The following REEP6 variants were observed in gnomAD, a reference collection of about 807,000 sequenced individuals.
REEP6 encodes the protein receptor expression-enhancing protein 6.
A neutral mutation model predicts 22.4 loss-of-function variants in REEP6; 19 were observed. The observed-to-expected ratio is 0.85, with a 90% CI of 0.59 to 1.25. REEP6 has a LOEUF of 1.25. REEP6 is among the 50% of genes most tolerant of loss of function. REEP6 has a pLI of 0.00. For synonymous variants in REEP6, 121 were observed against 113.6 expected (o/e 1.06, Z -0.41); for missense variants, 273 against 251.9 (o/e 1.08, Z -0.57).
chr19:1,495,157 G>T (rs2084994871), intron 1 of REEP6, 137 bp from the exon 2 acceptor site: 5 of 742,256 alleles, frequency 6.7e-6, no homozygotes, highest in South Asian at 3.2e-5. Context: ...CACATCAGGG[G>T]CAGTGGACAT....
chr19:1,494,598 CCCTT>C (rs2084990651), intron 1 of REEP6, among the ~76,000 whole-genome samples: 1 of 152,238 alleles, frequency 6.6e-6, no homozygotes, highest in South Asian at 2.1e-4. Context: ...AGCCTGGCCT[CCCTT>C]GCAGGTTTCT....
chr19:1,491,961 G>A lies in REEP6; in HGVS notation c.115+577G>A, dbSNP rs2084953996. On this transcript the variant is annotated intron_variant, in intron 1 of 4. Coordinates refer to ENST00000233596, the MANE Select transcript of REEP6 (RefSeq NM_138393.4). This position sits in a 1 kb window ranked among gnomAD's most constrained non-coding sequence, Gnocchi z 5.4. The stretch of plus-strand genomic sequence containing the variant: ...GGCTGTGATGTGGGGAGGCTGGACT[G>A]GGGCCCACAGAGCCGGAGATCCAGG... Among the ~76,000 whole-genome samples, 2 of 152,180 alleles carry A rather than the reference G, an allele frequency of 1.3e-5. No individual in the cohort carries two copies. The highest frequency in any genetic ancestry group is 4.8e-5 in the African/African-American group (2 of 41,432).
rs138393008 is a variant in REEP6, at chr19:1,496,381, G to A, written c.445G>A (p.Gly149Arg). Reference sequence around the variant, plus strand: ...GCGTCCGCTGTTCCTAAGGCACCACGGGGCCGTAGACAGAATCATGAACGA... The same window carrying A: ...GCGTCCGCTGTTCCTAAGGCACCACAGGGCCGTAGACAGAATCATGAACGA... ...VVRPLFLRHH[G>R]AVDRIMNDLS... The change falls in exon 4 of 5, where the codon GGG (glycine) becomes AGG (arginine). Residue 149 changes from glycine (G) to arginine (R), a missense_variant. Transcript: ENST00000233596. 1.7e-5 allele frequency: 28 copies of A among 1,613,246 alleles called. No individual in the cohort carries two copies. In the East Asian group the frequency reaches 2.5e-4, roughly 14 times the overall value.
At position 1,496,717 on chromosome 19, in the gene REEP6, T is replaced by C. The variant is rs533081962; in HGVS notation, c.517+264T>C. The C allele has an allele frequency of 2.4e-3, 1,387 of 583,264 alleles. 1 individual carries two copies. The highest frequency in any genetic ancestry group is 2.4e-3 in the South Asian group (141 of 58,676). 36.1% of individuals were successfully genotyped at this position (583,264 alleles called of 1,614,324 possible). The stretch of plus-strand genomic sequence containing the variant: ...GATAGGAGCTGTGTGTGTGTGTGTG[T>C]GCGCGCGCGCGCGCGTGTGTTTGAG... On this transcript the variant is annotated intron_variant, in intron 4 of 4. Coordinates refer to ENST00000233596, the MANE Select transcript of REEP6 (RefSeq NM_138393.4).
intron 1 of REEP6, among the ~76,000 whole-genome samples, chr19:1,494,175 A>T (rs1239029052): frequency 6.6e-6 from 1 of 152,324 alleles, no homozygotes; most frequent in South Asian, 2.1e-4. Flanking sequence ...CCAAGGGGGA[A>T]ACTGAGGCTC....
intron 1 of REEP6, 40 bp from the exon 2 acceptor site, chr19:1,495,254 G>A (rs200345271): frequency 6.0e-4 from 960 of 1,594,084 alleles, no homozygotes; most frequent in Non-Finnish European, 7.5e-4. Context: ...GGGGCTCAGC[G>A]GGTCCCCAGC....
At chr19:1,492,871 C>T (rs2084977938) in intron 1 of REEP6, among the ~76,000 whole-genome samples, 1 of 152,176 alleles carries the variant, frequency 6.6e-6, no homozygotes, top group Non-Finnish European at 1.5e-5. Flanking sequence ...TGGGCATGGC[C>T]CGGCTGTGCC....
At chr19:1,496,736 GTTTGAGCGTA>G in intron 4 of REEP6, 2 of 643,204 alleles carry the variant, frequency 3.1e-6, no homozygotes, top group South Asian at 1.5e-5. Context: ...GCGCGCGTGT[GTTTGAGCGTA>G]TGTTTGCTGT....
rs759759337 is a variant in REEP6, at chr19:1,497,158, G to T, written c.518-16G>T. Reference sequence around the variant, plus strand: ...CCTGCCTCACGGCCCTCCCCCACCCGCCCCTCTCTCTGCAGTCAAGCCAAG... The same window carrying T: ...CCTGCCTCACGGCCCTCCCCCACCCTCCCCTCTCTCTGCAGTCAAGCCAAG... On this transcript the variant is annotated splice_polypyrimidine_tract_variant and intron_variant, in intron 4 of 4. Transcript: ENST00000233596. This position sits in a 1 kb window ranked among gnomAD's most constrained non-coding sequence, Gnocchi z 6.5. 3 of 755,932 alleles carry T rather than the reference G, an allele frequency of 4.0e-6. No homozygotes were observed. Among genetic ancestry groups the T allele is most frequent in the East Asian group, 7.6e-5 (2 of 26,304 alleles). 46.8% of individuals were successfully genotyped at this position (755,932 alleles called of 1,614,324 possible).
rs2084997453 is a variant in REEP6, at chr19:1,495,391, A to AG, written c.209+5dup. The AG allele has an allele frequency of 1.2e-6, 2 of 1,613,688 alleles. No individual in the cohort carries two copies. Among genetic ancestry groups the AG allele is most frequent in the Non-Finnish European group, 1.7e-6 (2 of 1,180,018 alleles). The stretch of plus-strand genomic sequence containing the variant: ...TTGTGTACCCCGCATATGCCTCGTG[A>AG]GTGCACGGCTGGCTGCCCACGCGGG... On this transcript the variant is annotated splice_donor_region_variant and intron_variant, in intron 2 of 4. Transcript: ENST00000233596.
At chr19:1,496,614 CG>C in intron 4 of REEP6, 161 bp downstream of exon 4, 1 of 964,694 alleles carries the variant, frequency 1.0e-6, no homozygotes, top group Non-Finnish European at 1.6e-6. Flanking sequence ...GGCCCGTAGC[CG>C]GGCAGGCATC....
Position 1,496,630 on chromosome 19 carries a change from C to T in REEP6, c.517+177C>T, listed in dbSNP as rs770429286. ...GCCCGTAGCCGGGCAGGCATCACCC[C>T]GGTGGCTGTGGCCGGGCCCTCCACT... On this transcript the variant is annotated intron_variant, in intron 4 of 4. Transcript: ENST00000233596. The T allele has an allele frequency of 5.0e-5, 43 of 865,528 alleles. No homozygotes were observed. The highest frequency in any genetic ancestry group is 4.3e-4 in the Middle Eastern group (2 of 4,700). 53.6% of individuals were successfully genotyped at this position (865,528 alleles called of 1,614,324 possible).
In REEP6 at chr19:1,497,637, A is replaced by C. The variant is rs1248925043; in HGVS notation, c.*426A>C. 3 of 494,466 alleles carry C rather than the reference A, an allele frequency of 6.1e-6. No homozygotes were observed. 30.6% of individuals were successfully genotyped at this position (494,466 alleles called of 1,614,324 possible). A position where few individuals can be genotyped will look rare whatever the true frequency, so the allele number is the denominator to read the frequency against. On this transcript the variant is annotated 3_prime_UTR_variant, in exon 5 of 5. Transcript: ENST00000233596. The surrounding 1 kb of genome is among the most constrained non-coding windows in gnomAD (Gnocchi z 6.5). The stretch of plus-strand genomic sequence containing the variant: ...CTCACCCATGGTCCAGTCTCCCAGC[A>C]GCAGCAACATCCCCACGCAGCCCCC...
rs200690234 is a variant in REEP6 at position 1,495,619 on chromosome 19, C to T, written c.348+12C>T. The T allele has an allele frequency of 1.9e-6, 3 of 1,613,812 alleles. No homozygotes were observed. Among genetic ancestry groups the T allele is most frequent in the Non-Finnish European group, 2.5e-6 (3 of 1,179,980 alleles). ...ACTACGTGGGCAAGGTGGGCCCTGC[C>T]AGGGCGGGCACAGCCGTGGAGCGCA... On this transcript the variant is annotated intron_variant, in intron 3 of 4. Transcript: ENST00000233596.
In REEP6 at chr19:1,491,828, C is replaced by T. The variant is rs372910847; in HGVS notation, c.115+444C>T. Among the ~76,000 whole-genome samples the T allele has an allele frequency of 2.0e-5, 3 of 152,308 alleles. No homozygotes were observed. The highest frequency in any genetic ancestry group is 3.9e-4 in the East Asian group (2 of 5,162). On this transcript the variant is annotated intron_variant, in intron 1 of 4. Transcript: ENST00000233596. This position sits in a 1 kb window ranked among gnomAD's most constrained non-coding sequence, Gnocchi z 5.4. ...GACCGTCCTGGGGGCCTGCCCAGGA[C>T]CCTTCTCCTTTCCTCCTCCTCTCCT...
intron 2 of REEP6, 23 bp from the exon 3 acceptor site, chr19:1,495,446 A>G (rs1223291033): frequency 6.2e-7 from 1 of 1,613,630 alleles, no homozygotes; most frequent in Non-Finnish European, 8.5e-7. Flanking sequence ...GCAGCCCCTG[A>G]CCCTGCTGCA....
Position 1,496,318 on chromosome 19 carries a change from C to G in REEP6, c.382C>G (p.Pro128Ala), listed in dbSNP as rs768725740. Residue 128 changes from proline (P) to alanine (A), a missense_variant, in exon 4 of 5, where the codon CCC becomes GCC. Coordinates refer to ENST00000233596, the MANE Select transcript of REEP6 (RefSeq NM_138393.4). ...CCTGTTGTTCTGCATGGCTCCCAGG[C>G]CCTGGAACGGGGCTCTCATGCTGTA... ...AFLLFCMAPRPWNGALMLYQR... is the reference protein window; with the variant it reads ...AFLLFCMAPRAWNGALMLYQR... 1.2e-6 allele frequency: 2 copies of G among 1,611,644 alleles called. No homozygotes were observed. Among genetic ancestry groups the G allele is most frequent in the African/African-American group, 2.7e-5 (2 of 74,912 alleles).
intron 1 of REEP6, among the ~76,000 whole-genome samples, chr19:1,494,460 C>G (rs781338713): frequency 6.6e-6 from 1 of 152,186 alleles, no homozygotes; most frequent in Non-Finnish European, 1.5e-5. Flanking sequence ...CCACTTCCCC[C>G]TCTCCACCGA....
At chr19:1,493,025 G>C (rs1299851046) in intron 1 of REEP6, among the ~76,000 whole-genome samples, 1 of 152,100 alleles carries the variant, frequency 6.6e-6, no homozygotes, top group Non-Finnish European at 1.5e-5. Context: ...AGACGAAACT[G>C]AGGCACAGGG....
Sources: gnomAD v4.1 joint callset for allele counts (sites outside exome capture counted in the v4.1 genomes callset) on GRCh38, gnomAD v4.1.1 for gene constraint, Gnocchi (gnomAD v3.1) non-coding constraint, MANE v1.5 for transcripts, NCBI Gene and HGNC (gene_info 2026-07-23, HGNC 2026-07-21) for gene names.